Variants in NEDD8 observed in about 807,000 individuals in gnomAD.
NEDD8 encodes NEDD8 ubiquitin like modifier.
NEDD8 carries 1 observed loss-of-function variant against 13.8 expected under a neutral mutation model. The observed-to-expected ratio is 0.07, with a 90% confidence interval of 0.03 to 0.34. NEDD8 has a LOEUF of 0.34. NEDD8 is among the 10% of genes least tolerant of loss of function. The pLI is 0.99. For synonymous variants in NEDD8, 31 were observed against 33.2 expected (o/e 0.93, Z 0.23); for missense variants, 10 against 95.2 (o/e 0.10, Z 3.73).
Position 24,218,428 on chromosome 14 carries a change from G to A in NEDD8, c.22C>T (p.Leu8=), listed in dbSNP as rs2138880383. The change falls in exon 2 of 4, where the codon CTG becomes TTG. Residue 8 remains leucine (L), a synonymous_variant. Transcript: ENST00000250495. Reference sequence around the variant, plus strand: ...TCAATCTCAATCTCCTTTCCGGTCAGCGTCTGAAACAGGCAATGGTTTCAT... The same window carrying A: ...TCAATCTCAATCTCCTTTCCGGTCAACGTCTGAAACAGGCAATGGTTTCAT... MLIKVKT[L]TGKEIEIDIE... 2 of 1,614,210 alleles carry A rather than the reference G, an allele frequency of 1.2e-6. No homozygotes were observed. The highest frequency in any genetic ancestry group is 4.5e-5 in the East Asian group (2 of 44,892).
chr14:24,229,993 C>T (rs1009047975), intron 1 of NEDD8, among the ~76,000 whole-genome samples: 1 of 151,790 alleles, frequency 6.6e-6, no homozygotes, highest in Non-Finnish European at 1.5e-5. Context: ...TCGCTTGAAC[C>T]CGGGAGGCGG....
chr14:24,217,925 ATAAT>A, intron 3 of NEDD8: 1 of 493,034 alleles, frequency 2.0e-6, no homozygotes. Context: ...CTATTTCAAT[ATAAT>A]TAGTTTTCCT....
intron 1 of NEDD8, among the ~76,000 whole-genome samples, chr14:24,228,906 G>C (rs1420142839): frequency 6.6e-6 from 1 of 151,894 alleles, no homozygotes; most frequent in Non-Finnish European, 1.5e-5. Context: ...TGGGGCGAGA[G>C]GGGGAGATAG....
At chr14:24,217,449 C>G (rs1302681630) in intron 3 of NEDD8, among the ~76,000 whole-genome samples, 1 of 152,062 alleles carries the variant, frequency 6.6e-6, no homozygotes, top group African/African-American at 2.4e-5. Context: ...ACCACCACGC[C>G]CAGCTAATTT....
chr14:24,223,488 G>C (rs909104658), intron 1 of NEDD8, among the ~76,000 whole-genome samples: 1 of 152,056 alleles, frequency 6.6e-6, no homozygotes, highest in Non-Finnish European at 1.5e-5. Flanking sequence ...ATTTACAATA[G>C]AAAAAGTAGA....
intron 1 of NEDD8, among the ~76,000 whole-genome samples, chr14:24,222,534 A>G (rs1341455802): frequency 1.3e-5 from 2 of 152,176 alleles, no homozygotes; most frequent in Non-Finnish European, 2.9e-5. Flanking sequence ...ATGAGAACAA[A>G]TTATTTAAAA....
chr14:24,219,849 TCTC>T (rs1298419901), intron 1 of NEDD8, among the ~76,000 whole-genome samples: 1 of 152,052 alleles, frequency 6.6e-6, no homozygotes, highest in African/African-American at 2.4e-5. Context: ...AAATGTAAGA[TCTC>T]CTCCTGGCCG....
intron 1 of NEDD8, among the ~76,000 whole-genome samples, chr14:24,229,848 G>A (rs1263631103): frequency 1.3e-5 from 2 of 152,086 alleles, no homozygotes; most frequent in South Asian, 2.1e-4. Flanking sequence ...GGAGGTGAGC[G>A]GATCACTAGG....
intron 1 of NEDD8, among the ~76,000 whole-genome samples, chr14:24,219,933 A>G (rs1220736469): frequency 6.6e-6 from 1 of 152,136 alleles, no homozygotes; most frequent in African/African-American, 2.4e-5. Context: ...TGAGGTTGGG[A>G]GTTCAAGACC....
rs571529180 is a variant in NEDD8 at position 24,220,545 on chromosome 14, C to T, written c.19-2114G>A. ...CTGTGTTGCTCAGGCTGGTTTCAAA[C>T]TCATGGGCTCAAGTGATCCTCCTGC... On this transcript the variant is annotated intron_variant, in intron 1 of 3. Coordinates refer to ENST00000250495, the MANE Select transcript of NEDD8 (RefSeq NM_006156.3). 2.0e-5 allele frequency among the ~76,000 whole-genome samples: 3 copies of T among 152,282 alleles called. No individual in the cohort carries two copies. In the South Asian group the frequency reaches 6.2e-4, roughly 32 times the overall value.
At chr14:24,217,282 TG>T (rs1594480129) in intron 3 of NEDD8, 59 bp from the exon 4 acceptor site, 3 of 1,255,318 alleles carry the variant, frequency 2.4e-6, no homozygotes, top group Non-Finnish European at 3.4e-6. Context: ...TTTTTGTTGT[TG>T]TTGTTGTTGT....
At chr14:24,228,266 AC>A (rs1449946723) in intron 1 of NEDD8, 1 of 151,818 alleles carries the variant, frequency 6.6e-6, no homozygotes, top group Non-Finnish European at 1.5e-5. Context: ...GGTGGTGGGC[AC>A]TTGTAGTCCC....
Position 24,217,240 on chromosome 14 carries a change from C to G in NEDD8, c.150-17G>C, listed in dbSNP as rs768768084. The G allele has an allele frequency of 9.5e-6, 15 of 1,585,226 alleles. No homozygotes were observed. The African/African-American group carries it at 1.9e-4, about 20-fold the overall frequency. ...TCATCATTCCTGCAGGAAAAGGAAG[C>G]CAGAAAAAAAAGAAAAAGAAGACTT... On this transcript the variant is annotated splice_polypyrimidine_tract_variant and intron_variant, in intron 3 of 3. Transcript: ENST00000250495.
chr14:24,219,475 C>CCA (rs2039763636), intron 1 of NEDD8, among the ~76,000 whole-genome samples: 1 of 33,368 alleles, frequency 3.0e-5, no homozygotes, highest in Non-Finnish European at 5.4e-5. Context: ...AACACCCTCG[C>CCA]AAAAAAAAAA....
chr14:24,227,134 CTT>C lies in NEDD8; in HGVS notation c.18+5114_18+5115del, dbSNP rs772998091. The C allele has an allele frequency of 2.0e-4, 31 of 152,160 alleles. 1 individual carries two copies. The highest frequency in any genetic ancestry group is 4.0e-4 in the Non-Finnish European group (27 of 68,024). The allele number at this position is 152,160 out of a possible 1,614,324, so 9.4% of individuals were successfully genotyped here. On this transcript the variant is annotated intron_variant, in intron 1 of 3. Transcript: ENST00000250495. The stretch of plus-strand genomic sequence containing the variant: ...ACAAGCAAAACTAACCTATGAAACT[CTT>C]GAGGGGGTAGGAATACAAATGTTTA...
At chr14:24,217,316 G>C in intron 3 of NEDD8, 93 bp from the exon 4 acceptor site, 1 of 1,044,344 alleles carries the variant, frequency 9.6e-7, no homozygotes, top group Admixed American at 2.2e-5. Flanking sequence ...TTTTGACAGA[G>C]TCTCGCTCTG....
At chr14:24,217,873 C>A (rs1594480965) in intron 3 of NEDD8, 2 of 390,096 alleles carry the variant, frequency 5.1e-6, no homozygotes, top group Non-Finnish European at 9.2e-6. Context: ...TAAAAAAGTA[C>A]ATATATTACT....
At chr14:24,232,198 C>CTGCT in intron 1 of NEDD8, 52 bp downstream of exon 1, 2 of 1,613,424 alleles carry the variant, frequency 1.2e-6, no homozygotes, top group Non-Finnish European at 1.7e-6. Flanking sequence ...CCGTAAGGCA[C>CTGCT]TGCTGCCAGC....
rs534786570 is a variant in NEDD8, at chr14:24,222,870, G to A, written c.19-4439C>T. Reference sequence around the variant, plus strand: ...TTAGGAGGCCGAGGGGGCGGATCACGAGGTCAGGAGTTTGAGACCAGCCTG... The same window carrying A: ...TTAGGAGGCCGAGGGGGCGGATCACAAGGTCAGGAGTTTGAGACCAGCCTG... On this transcript the variant is annotated intron_variant, in intron 1 of 3. Coordinates refer to ENST00000250495, the MANE Select transcript of NEDD8 (RefSeq NM_006156.3). Among the ~76,000 whole-genome samples, 4 of 152,036 alleles carry A rather than the reference G, an allele frequency of 2.6e-5. No homozygotes were observed. The East Asian group carries it at 5.8e-4, about 22-fold the overall frequency.
Sources: gnomAD v4.1 joint callset for allele counts (sites outside exome capture counted in the v4.1 genomes callset) on GRCh38, gnomAD v4.1.1 for gene constraint, MANE v1.5 for transcripts, NCBI Gene and HGNC (gene_info 2026-07-23, HGNC 2026-07-21) for gene names.